ARSG: variants seen among roughly 807,000 people sequenced by gnomAD.
The protein encoded by ARSG is ASG.
In ARSG, 37 loss-of-function variants were observed where a neutral mutation model predicts 50.5. The ratio of observed to expected loss-of-function variants is 0.73; its 90% CI spans 0.56 to 0.96. The LOEUF is 0.96. Ranked by LOEUF, ARSG falls within the 50% of genes least tolerant of loss-of-function variation. ARSG has a pLI of 0.00. For missense variants in ARSG, 629 were observed against 675.3 expected, an observed-to-expected ratio of 0.93 and a Z score of 0.76; for synonymous variants, 225 against 254.6, an observed-to-expected ratio of 0.88 and a Z score of 1.11.
chr17:68,354,709 C>T (rs752210417), intron 5 of ARSG, among the ~76,000 whole-genome samples: 2 of 151,984 alleles, frequency 1.3e-5, no homozygotes, highest in Non-Finnish European at 2.9e-5. Flanking sequence ...CATGGTGAAA[C>T]CCGTTCTTTA....
chr17:68,344,776 C>G (rs1030273922), intron 3 of ARSG, among the ~76,000 whole-genome samples: 2 of 152,222 alleles, frequency 1.3e-5, no homozygotes, highest in Non-Finnish European at 2.9e-5. Flanking sequence ...CCTGCCTCCT[C>G]CACTATACAG....
intron 1 of ARSG, among the ~76,000 whole-genome samples, chr17:68,270,543 G>A (rs1277867612): frequency 1.4e-3 from 200 of 144,658 alleles, no homozygotes; most frequent in Non-Finnish European, 2.6e-3. Flanking sequence ...GATAGAGCGA[G>A]ACTCCATCTC....
At chr17:68,375,056 G>A (rs2160724) in intron 8 of ARSG, among the ~76,000 whole-genome samples, 74,964 of 151,768 alleles carry the variant, frequency 0.49, 19,507 homozygotes, top group African/African-American at 0.65. Context: ...CAAAGCCCCA[G>A]CCGCAAGGAA....
intron 1 of ARSG, among the ~76,000 whole-genome samples, chr17:68,291,779 G>A (rs2076003140): frequency 6.6e-6 from 1 of 151,570 alleles, no homozygotes; most frequent in Non-Finnish European, 1.5e-5. Flanking sequence ...AGGCGCGAGC[G>A]CGCGGGTCCC....
In ARSG at chr17:68,420,608, T is replaced by C. The variant is rs563224327; in HGVS notation, c.*145T>C. On this transcript the variant is annotated 3_prime_UTR_variant, in exon 12 of 12. Coordinates refer to ENST00000621439, the MANE Select transcript of ARSG (RefSeq NM_001267727.2). ...GAGTTAGCCTTGCATATCCCTTCTG[T>C]ATCCTGTCCCTCCTCCACGCCGACC... 3 of 965,638 alleles carry C rather than the reference T, an allele frequency of 3.1e-6. No homozygotes were observed. The South Asian group carries it at 4.8e-5, about 15-fold the overall frequency. 59.8% of individuals were successfully genotyped at this position (965,638 alleles called of 1,614,324 possible). A position where few individuals can be genotyped will look rare whatever the true frequency, so the allele number is the denominator to read the frequency against.
intron 11 of ARSG, among the ~76,000 whole-genome samples, chr17:68,404,596 C>T (rs1412256058): frequency 6.6e-6 from 1 of 152,028 alleles, no homozygotes; most frequent in Non-Finnish European, 1.5e-5. Flanking sequence ...AAGATTTTGT[C>T]TATAATTTTC....
intron 1 of ARSG, among the ~76,000 whole-genome samples, chr17:68,296,671 G>A (rs782742028): frequency 6.6e-6 from 1 of 151,994 alleles, no homozygotes. Context: ...TCGTTCATCC[G>A]TCCATCCACC....
chr17:68,333,098 C>T (rs2077849619), intron 2 of ARSG, among the ~76,000 whole-genome samples: 1 of 151,584 alleles, frequency 6.6e-6, no homozygotes, highest in African/African-American at 2.4e-5. Context: ...ATCATGAGGT[C>T]AGGAGATTGA....
intron 11 of ARSG, among the ~76,000 whole-genome samples, chr17:68,411,336 T>C (rs1461687824): frequency 6.6e-6 from 1 of 152,216 alleles, no homozygotes; most frequent in African/African-American, 2.4e-5. Context: ...TTTGTTCTTG[T>C]TGGTTTCAAA....
In ARSG at chr17:68,395,335, C is replaced by T. The variant is rs534696823; in HGVS notation, c.1212+142C>T. The T allele has an allele frequency of 1.3e-4, 174 of 1,314,044 alleles. No homozygotes were observed. In the African/African-American group the frequency reaches 2.2e-3, roughly 17 times the overall value. 81.4% of individuals were successfully genotyped at this position (1,314,044 alleles called of 1,614,324 possible). ...GGATACAGTGGCTCACGCCTGTAATCCCAGCACTTTAGGAGACCAAGGCGG... is the reference window on the plus strand; with the variant it reads ...GGATACAGTGGCTCACGCCTGTAATTCCAGCACTTTAGGAGACCAAGGCGG... On this transcript the variant is annotated intron_variant, in intron 10 of 11. Coordinates refer to ENST00000621439, the MANE Select transcript of ARSG (RefSeq NM_001267727.2).
chr17:68,421,673 C>A (rs539572280), downstream of ARSG: 18 of 1,555,452 alleles, frequency 1.2e-5, no homozygotes, highest in South Asian at 1.8e-4. Flanking sequence ...TCCTGCCCCC[C>A]TTTCTGCTCA....
intron 2 of ARSG, among the ~76,000 whole-genome samples, chr17:68,330,981 G>T (rs866336613): frequency 7.9e-6 from 1 of 127,056 alleles, no homozygotes; most frequent in African/African-American, 2.9e-5. Context: ...TTTTTTGCGG[G>T]GGGGGGGGGA....
chr17:68,275,538 T>G (rs1176676385), intron 1 of ARSG, among the ~76,000 whole-genome samples: 1 of 152,186 alleles, frequency 6.6e-6, no homozygotes, highest in East Asian at 1.9e-4. Flanking sequence ...GGAAATTTCT[T>G]GTTGACTACA....
intron 2 of ARSG, among the ~76,000 whole-genome samples, chr17:68,337,654 G>A (rs2078084016): frequency 6.6e-6 from 1 of 152,036 alleles, no homozygotes; most frequent in South Asian, 2.1e-4. Flanking sequence ...TTTCGCTCTT[G>A]TTGCCCAGGC....
At chr17:68,404,913 T>C (rs985074001) in intron 11 of ARSG, among the ~76,000 whole-genome samples, 10 of 152,212 alleles carry the variant, frequency 6.6e-5, no homozygotes, top group Non-Finnish European at 8.8e-5. Context: ...ACATCCAGTT[T>C]TCCCAGCATC....
At chr17:68,434,705 T>C in the ARSG span, 2 of 1,476,908 alleles carry the variant, frequency 1.4e-6, no homozygotes, top group African/African-American at 1.4e-5. Context: ...GGAGTTTGTT[T>C]TATTGGTTTT....
intron 4 of ARSG, among the ~76,000 whole-genome samples, chr17:68,350,259 G>A (rs558614143): frequency 6.4e-4 from 98 of 152,168 alleles, no homozygotes; most frequent in African/African-American, 2.3e-3. Flanking sequence ...TTATAGAGAG[G>A]GCCAAAAACG....
intron 6 of ARSG, among the ~76,000 whole-genome samples, chr17:68,363,133 A>AG (rs1237144320): frequency 6.6e-6 from 1 of 152,198 alleles, no homozygotes; most frequent in African/African-American, 2.4e-5. Context: ...AGCAGGGAAA[A>AG]GGGCTATGGC....
chr17:68,406,655 G>T (rs998925797), intron 11 of ARSG, among the ~76,000 whole-genome samples: 2 of 152,052 alleles, frequency 1.3e-5, no homozygotes, highest in African/African-American at 4.8e-5. Context: ...ATTTTTTCAT[G>T]TTTGTTGGCC....
Sources: gnomAD v4.1 joint callset for allele counts (sites outside exome capture counted in the v4.1 genomes callset) on GRCh38, gnomAD v4.1.1 for gene constraint, MANE v1.5 for transcripts, NCBI Gene and HGNC (gene_info 2026-07-23, HGNC 2026-07-21) for gene names.